The following ACSM1 variants were observed in gnomAD, a reference collection of about 807,000 sequenced individuals.
The protein encoded by ACSM1 is acyl-coenzyme A synthetase ACSM1, mitochondrial.
ACSM1 carries 79 observed loss-of-function variants against 75.8 expected under a neutral mutation model. The ratio of observed to expected loss-of-function variants is 1.04; its 90% CI spans 0.87 to 1.26. The LOEUF (loss-of-function observed/expected upper bound fraction) is 1.26, where lower values mean the gene tolerates loss of function less well. Ranked by LOEUF, ACSM1 falls within the 50% of genes most tolerant of loss-of-function variation. The pLI, the probability that ACSM1 is intolerant of heterozygous loss-of-function variation, is 0.00. For missense variants in ACSM1, 676 were observed against 720.1 expected, an observed-to-expected ratio of 0.94 and a Z score of 0.70; for synonymous variants, 279 against 265.8, an observed-to-expected ratio of 1.05 and a Z score of -0.48.
chr16:20,693,459 G>A (rs1316204825), intron 1 of ACSM1, among the ~76,000 whole-genome samples: 1 of 152,278 alleles, frequency 6.6e-6, no homozygotes, highest in African/African-American at 2.4e-5. Flanking sequence ...ACTGAAGAAA[G>A]CTATTTCTCA....
intron 8 of ACSM1, among the ~76,000 whole-genome samples, chr16:20,639,993 A>C (rs1220795367): frequency 1.3e-5 from 2 of 152,204 alleles, no homozygotes; most frequent in Non-Finnish European, 2.9e-5. Flanking sequence ...TGTGGGCCCC[A>C]AGATCGTTAC....
At chr16:20,629,271 A>G (rs1716301708) in intron 10 of ACSM1, among the ~76,000 whole-genome samples, 1 of 152,244 alleles carries the variant, frequency 6.6e-6, no homozygotes. Flanking sequence ...GTTGAGAGGT[A>G]CAAGATGACA....
intron 2 of ACSM1, among the ~76,000 whole-genome samples, chr16:20,688,172 C>T (rs1440676666): frequency 6.6e-6 from 1 of 150,996 alleles, no homozygotes; most frequent in African/African-American, 2.4e-5. Flanking sequence ...TGAAAATTCA[C>T]TAGGGGTTCA....
Position 20,625,464 on chromosome 16 carries a change from C to A in ACSM1, c.1486G>T (p.Glu496Ter). The A allele has an allele frequency of 6.2e-7, 1 of 1,614,170 alleles. No individual in the cohort carries two copies. ...SALVEHPAVA[E>*]SAVVGSPDPI... ...TCTGGGCTGCCCACCACGGCTGACT[C>A]CGCCACCGCTGGGTGCTCCACCAAA... Residue 496 changes from glutamate (E) to a stop codon, truncating the protein, a stop_gained, in exon 12 of 14, where the codon GAG becomes TAG. Coordinates refer to ENST00000520010, the MANE Select transcript of ACSM1 (RefSeq NM_001318890.3). LOFTEE classifies it high-confidence loss of function.
At chr16:20,637,210 T>C (rs2017768285) in intron 9 of ACSM1, 161 bp downstream of exon 9, 1 of 786,392 alleles carries the variant, frequency 1.3e-6, no homozygotes, top group African/African-American at 1.7e-5. Context: ...AATAATGCAG[T>C]TTTCAACTGA....
At chr16:20,627,864 G>GTATACATACATA (rs1319034482) in intron 10 of ACSM1, among the ~76,000 whole-genome samples, 2,711 of 46,042 alleles carry the variant, frequency 0.059, 349 homozygotes, top group Middle Eastern at 0.15. Flanking sequence ...CTCTCTGTAT[G>GTATACATACATA]TATACATATA....
chr16:20,688,737 T>A (rs2079599160), intron 2 of ACSM1, among the ~76,000 whole-genome samples: 1 of 151,878 alleles, frequency 6.6e-6, no homozygotes, highest in Non-Finnish European at 1.5e-5. Flanking sequence ...AAGTTCACTA[T>A]CCCTAGACTT....
chr16:20,661,870 AT>A lies in ACSM1; in HGVS notation c.915del (p.Leu306CysfsTer2). On this transcript the variant is annotated frameshift_variant and splice_region_variant, in exon 7 of 14. Transcript: ENST00000520010. LOFTEE classifies it high-confidence loss of function. ...AAGTGGTTAATGGGGTATTTCAACA[AT>A]GTCTGGAAAGGGAAGAGAGAAGAAA... is the stretch of plus-strand genomic sequence containing the variant. ...PQFDTKVIIQ[T>X]LLKYPINHFW... is the part of the protein sequence containing the mutation. 6 of 1,602,594 alleles carry A rather than the reference AT, an allele frequency of 3.7e-6. No homozygotes were observed. Among genetic ancestry groups the A allele is most frequent in the Non-Finnish European group, 5.1e-6 (6 of 1,170,896 alleles).
intron 7 of ACSM1, among the ~76,000 whole-genome samples, chr16:20,661,085 C>T (rs1188538556): frequency 6.6e-6 from 1 of 152,158 alleles, no homozygotes; most frequent in African/African-American, 2.4e-5. Flanking sequence ...CATGCTTGTA[C>T]ACACCAGGGT....
At chr16:20,660,382 C>T (rs1026820539) in intron 7 of ACSM1, among the ~76,000 whole-genome samples, 1 of 152,186 alleles carries the variant, frequency 6.6e-6, no homozygotes, top group African/African-American at 2.4e-5. Context: ...GACCACTTTT[C>T]CACCTCACTA....
At chr16:20,627,873 T>TATATAC (rs1567242223) in intron 10 of ACSM1, among the ~76,000 whole-genome samples, 264 of 7,548 alleles carry the variant, frequency 0.035, 1 homozygote, top group African/African-American at 0.054. Context: ...TGTATACATA[T>TATATAC]ATATATATAT....
intron 10 of ACSM1, among the ~76,000 whole-genome samples, chr16:20,630,093 T>C (rs917875924): frequency 1.3e-5 from 2 of 151,760 alleles, no homozygotes; most frequent in African/African-American, 4.8e-5. Flanking sequence ...TTGTGGGTTG[T>C]TATACTAATA....
chr16:20,676,159 A>G (rs2020264007), intron 4 of ACSM1: 1 of 152,344 alleles, frequency 6.6e-6, no homozygotes, highest in African/African-American at 2.4e-5. Context: ...AGGAAGTTAA[A>G]GTGAAAGGCT....
intron 8 of ACSM1, among the ~76,000 whole-genome samples, chr16:20,638,403 G>T (rs1039266520): frequency 6.6e-6 from 1 of 152,184 alleles, no homozygotes; most frequent in East Asian, 1.9e-4. Context: ...AGCCCACAGG[G>T]CATTATAATT....
chr16:20,693,860 G>A (rs1490882397), intron 1 of ACSM1, among the ~76,000 whole-genome samples: 1 of 152,162 alleles, frequency 6.6e-6, no homozygotes. Flanking sequence ...GTAAAATAGA[G>A]GTTCCTCTTC....
rs534691817 is a variant in ACSM1, at chr16:20,627,152, C to T, written c.1427+37G>A. 1.5e-5 allele frequency: 22 copies of T among 1,492,212 alleles called. No homozygotes were observed. In the Admixed American group the frequency reaches 1.8e-4, roughly 12 times the overall value. The allele number at this position is 1,492,212 out of a possible 1,614,324, so 92.4% of individuals were successfully genotyped here. On this transcript the variant is annotated intron_variant, in intron 11 of 13. Coordinates refer to ENST00000520010, the MANE Select transcript of ACSM1 (RefSeq NM_001318890.3). ...AAGCAAAATTCCGTGAGGCATGTGA[C>T]GGCAACAACAGCCAGCCCAGCATCA...
intron 4 of ACSM1, chr16:20,674,005 A>G (rs1476644777): frequency 2.5e-6 from 1 of 401,592 alleles, no homozygotes; most frequent in Non-Finnish European, 5.0e-6. Context: ...ATAGCAAAAC[A>G]GTGACATAAG....
intron 6 of ACSM1, among the ~76,000 whole-genome samples, chr16:20,668,269 T>C (rs1187036870): frequency 6.6e-6 from 1 of 152,230 alleles, no homozygotes; most frequent in Non-Finnish European, 1.5e-5. Flanking sequence ...GAAATAGTAA[T>C]GCAAATGCTT....
In ACSM1 at chr16:20,627,309, G is replaced by A; in HGVS notation, c.1307C>T (p.Pro436Leu). ...ACATTCCACTTTAGCTGTCTTCTCT[G>A]GGTCACCCTGCAAAAAGAAGAGAGC... ...VSLFMCYEGD[P>L]EKTAKVECGD... Residue 436 changes from proline (P) to leucine (L), a missense_variant, in exon 11 of 14, where the codon CCA becomes CTA. Pro to Leu is a moderately conservative substitution (Grantham distance 98). Coordinates refer to ENST00000520010, the MANE Select transcript of ACSM1 (RefSeq NM_001318890.3). The A allele has an allele frequency of 6.4e-7, 1 of 1,571,044 alleles. No individual in the cohort carries two copies. Among genetic ancestry groups the A allele is most frequent in the South Asian group, 1.2e-5 (1 of 82,604 alleles).
Sources: allele counts gnomAD v4.1 joint callset (sites outside exome capture counted in the v4.1 genomes callset), GRCh38; gene constraint gnomAD v4.1.1; transcripts MANE v1.5; gene names NCBI Gene and HGNC (gene_info 2026-07-23, HGNC 2026-07-21).